Variants in CHN2 observed in about 807,000 individuals in gnomAD.
CHN2 encodes beta-chimaerin.
A neutral mutation model predicts 56.3 loss-of-function variants in CHN2; 35 were observed. The ratio of observed to expected loss-of-function variants is 0.62; its 90% CI spans 0.47 to 0.82. CHN2 has a LOEUF of 0.82. Ranked by LOEUF, CHN2 falls within the 40% of genes least tolerant of loss-of-function variation. The pLI, the probability that CHN2 is intolerant of heterozygous loss-of-function variation, is 0.00. For synonymous variants in CHN2, 210 were observed against 212.8 expected, an observed-to-expected ratio of 0.99 and a Z score of 0.12; for missense variants, 491 against 580.5, an observed-to-expected ratio of 0.85 and a Z score of 1.58.
chr7:29,448,504 G>C (rs533124065), intron 6 of CHN2, among the ~76,000 whole-genome samples: 1 of 152,062 alleles, frequency 6.6e-6, no homozygotes, highest in East Asian at 1.9e-4. Flanking sequence ...TTCTTCACCA[G>C]CTACCCCACC....
At chr7:29,447,918 A>G (rs1413769352) in intron 6 of CHN2, among the ~76,000 whole-genome samples, 1 of 152,210 alleles carries the variant, frequency 6.6e-6, no homozygotes, top group East Asian at 1.9e-4. Flanking sequence ...TTGCAAAAAA[A>G]TAGAAATTTC....
intron 1 of CHN2, among the ~76,000 whole-genome samples, chr7:29,296,951 T>C (rs1491000743): frequency 6.6e-6 from 1 of 152,126 alleles, no homozygotes; most frequent in Non-Finnish European, 1.5e-5. Context: ...GCTGGGCAGG[T>C]CCAGGAGGAT....
At chr7:29,229,337 C>T (rs1372026020) in intron 1 of CHN2, among the ~76,000 whole-genome samples, 1 of 152,088 alleles carries the variant, frequency 6.6e-6, no homozygotes, top group African/African-American at 2.4e-5. Flanking sequence ...TAATATTATA[C>T]ACTTGGATTA....
intron 1 of CHN2, among the ~76,000 whole-genome samples, chr7:29,245,861 T>A (rs39091): frequency 0.73 from 110,772 of 152,092 alleles, 41,169 homozygotes; most frequent in East Asian, 0.93. Context: ...GCTTGTGGAA[T>A]TGCTTCCCAT....
At chr7:29,167,149 C>G (rs537800808) in intron 2 of CHN2, among the ~76,000 whole-genome samples, 22 of 152,248 alleles carry the variant, frequency 1.4e-4, no homozygotes, top group African/African-American at 5.3e-4. Flanking sequence ...AAAGTGTACT[C>G]AAAGGTACAA....
intron 6 of CHN2, among the ~76,000 whole-genome samples, chr7:29,420,796 T>G (rs1351518959): frequency 6.9e-6 from 1 of 145,224 alleles, no homozygotes; most frequent in African/African-American, 2.5e-5. Context: ...TTATATGGGT[T>G]GTTTTTTCTT....
At position 29,399,562 on chromosome 7, in the gene CHN2, G is replaced by A. The variant is rs576099685; in HGVS notation, c.291-981G>A. Reference sequence around the variant, plus strand: ...TCCTCGCCGTAGCCCTATACATTTCGGGGAAGGTATCCAATTTCAGAACTG... The same window carrying A: ...TCCTCGCCGTAGCCCTATACATTTCAGGGAAGGTATCCAATTTCAGAACTG... On this transcript the variant is annotated intron_variant, in intron 5 of 12. Coordinates refer to ENST00000222792, the MANE Select transcript of CHN2 (RefSeq NM_004067.4). Among the ~76,000 whole-genome samples, 5 of 152,088 alleles carry A rather than the reference G, an allele frequency of 3.3e-5. No individual in the cohort carries two copies. The East Asian group carries it at 5.8e-4, about 18-fold the overall frequency.
At chr7:29,354,933 G>A (rs953206147) in intron 2 of CHN2, among the ~76,000 whole-genome samples, 5 of 91,320 alleles carry the variant, frequency 5.5e-5, no homozygotes, top group Non-Finnish European at 1.1e-4. Context: ...TCAGTTTGGG[G>A]CTTTATTTTT....
chr7:29,193,386 CTG>C (rs1035821739), upstream of CHN2: 3 of 152,092 alleles, frequency 2.0e-5, no homozygotes, highest in Non-Finnish European at 4.4e-5. Flanking sequence ...AGCTGCTGTT[CTG>C]TGTCACTCCT....
intron 1 of CHN2, among the ~76,000 whole-genome samples, chr7:29,292,043 A>T (rs928615438): frequency 4.6e-5 from 7 of 152,208 alleles, no homozygotes; most frequent in African/African-American, 1.7e-4. Flanking sequence ...AGTAGGCCTT[A>T]TGAACTACCG....
At chr7:29,163,511 C>T (rs1795485253) in intron 2 of CHN2, among the ~76,000 whole-genome samples, 1 of 152,060 alleles carries the variant, frequency 6.6e-6, no homozygotes, top group Non-Finnish European at 1.5e-5. Flanking sequence ...TGGGCATATG[C>T]ATATGAGCAA....
chr7:29,202,990 C>G (rs1360546033), intron 1 of CHN2, among the ~76,000 whole-genome samples: 1 of 152,160 alleles, frequency 6.6e-6, no homozygotes, highest in Non-Finnish European at 1.5e-5. Context: ...AGACCTAGAC[C>G]TGCACAGTCC....
chr7:29,456,350 G>T (rs748571055), intron 6 of CHN2, among the ~76,000 whole-genome samples: 35 of 152,188 alleles, frequency 2.3e-4, no homozygotes, highest in Non-Finnish European at 2.5e-4. Context: ...TTGAAGTGAG[G>T]TTTGCTCTGT....
At chr7:29,512,270 A>ATGAT (rs952857094) in intron 12 of CHN2, among the ~76,000 whole-genome samples, 41 of 151,646 alleles carry the variant, frequency 2.7e-4, no homozygotes, top group African/African-American at 8.9e-4. Context: ...TATTCCTCAA[A>ATGAT]TGATAGTTCC....
At chr7:29,172,240 C>G (rs1227504303) in intron 2 of CHN2, among the ~76,000 whole-genome samples, 2 of 152,168 alleles carry the variant, frequency 1.3e-5, no homozygotes, top group Non-Finnish European at 2.9e-5. Context: ...TCTCCAGCAT[C>G]CGGCCCACTG....
chr7:29,326,198 G>A (rs1211923310), intron 1 of CHN2, among the ~76,000 whole-genome samples: 5 of 151,996 alleles, frequency 3.3e-5, no homozygotes, highest in African/African-American at 9.7e-5. Context: ...TCACTCTGTC[G>A]CCAGGCTGGA....
intron 7 of CHN2, among the ~76,000 whole-genome samples, chr7:29,487,649 C>T (rs1585585035): frequency 6.6e-6 from 1 of 151,720 alleles, no homozygotes; most frequent in Admixed American, 6.6e-5. Flanking sequence ...TTCCTCCTTC[C>T]CTCCCTCCTT....
chr7:29,507,398 C>G, intron 11 of CHN2, 33 bp downstream of exon 11: 1 of 1,531,216 alleles, frequency 6.5e-7, no homozygotes, highest in Middle Eastern at 1.7e-4. Context: ...TTATTTCTAC[C>G]AAATTTTTAA....
At chr7:29,504,868 C>A in intron 10 of CHN2, 47 bp downstream of exon 10, 2 of 1,325,684 alleles carry the variant, frequency 1.5e-6, no homozygotes, top group South Asian at 1.2e-5. Flanking sequence ...TAACACCCTT[C>A]TCGATTGGAA....
Sources: allele counts gnomAD v4.1 joint callset (sites outside exome capture counted in the v4.1 genomes callset), GRCh38; gene constraint gnomAD v4.1.1; transcripts MANE v1.5; gene names NCBI Gene and HGNC (gene_info 2026-07-23, HGNC 2026-07-21).